Variants in JCAD observed in about 807,000 individuals in gnomAD.
JCAD encodes the protein junctional cadherin 5-associated protein.
JCAD carries 40 observed loss-of-function variants against 98.0 expected under a neutral mutation model. The ratio of observed to expected loss-of-function variants is 0.41; its 90% CI spans 0.32 to 0.53. The LOEUF (loss-of-function observed/expected upper bound fraction) is 0.53. Ranked by LOEUF, JCAD falls within the 20% of genes least tolerant of loss-of-function variation. The probability of loss-of-function intolerance (pLI) is 0.31; values close to 1 mark genes in which losing one functional copy is unlikely to be tolerated. For missense variants in JCAD, 1,705 were observed against 1,738.1 expected (o/e 0.98, Z 0.34); for synonymous variants, 691 against 682.3 (o/e 1.01, Z -0.20).
At chr10:30,069,866 G>A (rs1184957526) in intron 1 of JCAD, 1 of 152,128 alleles carries the variant, frequency 6.6e-6, no homozygotes, top group East Asian at 1.9e-4. Context: ...AAATATCTAG[G>A]CTTTCTTGAA....
chr10:30,020,075 T>C (rs1476257073), intron 3 of JCAD, among the ~76,000 whole-genome samples: 1 of 151,104 alleles, frequency 6.6e-6, no homozygotes, highest in East Asian at 1.9e-4. Context: ...ATGCCTGTCA[T>C]CCCAACACTT....
intron 1 of JCAD, among the ~76,000 whole-genome samples, chr10:30,093,814 C>T (rs1037559398): frequency 5.9e-5 from 9 of 152,162 alleles, no homozygotes; most frequent in African/African-American, 2.2e-4. Flanking sequence ...CTCAGAGATT[C>T]AGTAAGTATT....
intron 2 of JCAD, among the ~76,000 whole-genome samples, chr10:30,066,853 TCTA>T (rs1837793177): frequency 6.6e-6 from 1 of 151,960 alleles, no homozygotes; most frequent in East Asian, 1.9e-4. Context: ...AAATCCCTTC[TCTA>T]CTAAAAAATA....
At chr10:30,090,555 A>AAGGAG (rs750210588) in intron 1 of JCAD, among the ~76,000 whole-genome samples, 5 of 144,438 alleles carry the variant, frequency 3.5e-5, no homozygotes, top group South Asian at 2.6e-4. Flanking sequence ...AAGGAAAGGA[A>AAGGAG]AGGAGAGGAG....
chr10:30,087,031 G>A (rs957194249), intron 1 of JCAD, among the ~76,000 whole-genome samples: 5 of 152,170 alleles, frequency 3.3e-5, no homozygotes, highest in African/African-American at 9.7e-5. Context: ...AATTAAGCAC[G>A]TAGTGTGGTA....
intron 1 of JCAD, among the ~76,000 whole-genome samples, chr10:30,091,230 T>G (rs370987325): frequency 3.9e-5 from 6 of 152,184 alleles, no homozygotes; most frequent in Non-Finnish European, 8.8e-5. Flanking sequence ...AATAACATAA[T>G]GGAATCTCTT....
At chr10:30,032,947 G>A (rs1837033781) in intron 2 of JCAD, among the ~76,000 whole-genome samples, 1 of 152,238 alleles carries the variant, frequency 6.6e-6, no homozygotes. Context: ...GGAGGAAACT[G>A]AGGCACAGGT....
rs1248040404 is a variant in JCAD at position 30,028,339 on chromosome 10, T to TA, written c.1808dup (p.Leu603PhefsTer6). Reference sequence around the variant, plus strand: ...CATTCTTTTGATCAGCACTGGGCTTTAAGTCATTGTTGTCCATATCTCTAT... The same window carrying TA: ...CATTCTTTTGATCAGCACTGGGCTTTAAAGTCATTGTTGTCCATATCTCTAT... On this transcript the variant is annotated frameshift_variant, in exon 3 of 4. Coordinates refer to ENST00000375377, the MANE Select transcript of JCAD (RefSeq NM_020848.4). LOFTEE classifies it high-confidence loss of function. The TA allele has an allele frequency of 6.2e-7, 1 of 1,614,252 alleles. No homozygotes were observed. The highest frequency in any genetic ancestry group is 1.1e-5 in the South Asian group (1 of 91,084).
At position 30,032,972 on chromosome 10, in the gene JCAD, T is replaced by C. The variant is rs1837034217; in HGVS notation, c.282-3106A>G. Among the ~76,000 whole-genome samples, 5 of 152,322 alleles carry C rather than the reference T, an allele frequency of 3.3e-5. No homozygotes were observed. In the South Asian group the frequency reaches 8.3e-4, roughly 25 times the overall value. On this transcript the variant is annotated intron_variant, in intron 2 of 3. Transcript: ENST00000375377. ...GAGGCACAGGTGTTAAGTAACTTGCTTAATACTAACATCTACTGGGCACCC... is the reference window on the plus strand; with the variant it reads ...GAGGCACAGGTGTTAAGTAACTTGCCTAATACTAACATCTACTGGGCACCC...
chr10:30,025,400 C>G (rs1836766970), intron 3 of JCAD, among the ~76,000 whole-genome samples: 1 of 151,762 alleles, frequency 6.6e-6, no homozygotes, highest in South Asian at 2.1e-4. Context: ...CGCCTGTAGT[C>G]CCAGCTACTC....
chr10:30,083,789 G>A (rs1027775495), intron 1 of JCAD, among the ~76,000 whole-genome samples: 2 of 152,158 alleles, frequency 1.3e-5, no homozygotes, highest in African/African-American at 4.8e-5. Context: ...AAGTTTGAGA[G>A]GCCAAGGCAA....
intron 2 of JCAD, among the ~76,000 whole-genome samples, chr10:30,040,193 A>G (rs1181965103): frequency 1.3e-5 from 2 of 152,188 alleles, no homozygotes; most frequent in Admixed American, 6.5e-5. Flanking sequence ...AGAGTGACGT[A>G]GCTGACTGTC....
chr10:30,087,347 G>C (rs1380594517), intron 1 of JCAD, among the ~76,000 whole-genome samples: 1 of 152,158 alleles, frequency 6.6e-6, no homozygotes, highest in African/African-American at 2.4e-5. Flanking sequence ...GCTGAGAAGG[G>C]AAAATCGCTT....
intron 1 of JCAD, among the ~76,000 whole-genome samples, chr10:30,088,890 T>C (rs1159848942): frequency 6.6e-6 from 1 of 152,142 alleles, no homozygotes; most frequent in Admixed American, 6.5e-5. Context: ...GGAGAATCTC[T>C]TGAACCCAGG....
intron 3 of JCAD, among the ~76,000 whole-genome samples, chr10:30,025,108 G>A (rs1836761484): frequency 6.6e-6 from 1 of 152,150 alleles, no homozygotes; most frequent in Non-Finnish European, 1.5e-5. Context: ...AGGGGTGGGA[G>A]GAGCAGAACC....
chr10:30,068,127 G>A lies in JCAD; in HGVS notation n.250+1573C>T, dbSNP rs188600079. Among the ~76,000 whole-genome samples the A allele has an allele frequency of 5.3e-5, 8 of 152,278 alleles. No individual in the cohort carries two copies. In the East Asian group the frequency reaches 1.5e-3, roughly 29 times the overall value. ...TGTACGGCCGGGTGCGGTGGCTCAG[G>A]CCTGTGATCGTAGCACTTCGGGGGG... is the stretch of plus-strand genomic sequence containing the variant. On this transcript the variant is annotated intron_variant and non_coding_transcript_variant, in intron 2 of 2. Transcript: ENST00000465712.
intron 1 of JCAD, among the ~76,000 whole-genome samples, chr10:30,055,204 T>C (rs563572124): frequency 3.3e-5 from 5 of 152,336 alleles, no homozygotes; most frequent in African/African-American, 7.2e-5. Flanking sequence ...TAATTAGACA[T>C]TGTTACTCCT....
In JCAD at chr10:30,029,664, G is replaced by C. The variant is rs1285852416; in HGVS notation, c.484C>G (p.His162Asp). The C allele has an allele frequency of 3.1e-6, 5 of 1,614,066 alleles. No individual in the cohort carries two copies. The African/African-American group carries it at 5.3e-5, about 17-fold the overall frequency. Reference protein sequence around the residue: ...GPWEVGGRSEHVMKKPVWEEE... With the variant: ...GPWEVGGRSEDVMKKPVWEEE... Reference sequence around the variant, plus strand: ...TCCCAAACTGGCTTCTTCATCACATGCTCTGACCTTCCTCCAACTTCCCAT... The same window carrying C: ...TCCCAAACTGGCTTCTTCATCACATCCTCTGACCTTCCTCCAACTTCCCAT... Residue 162 changes from histidine (H) to aspartate (D), a missense_variant, in exon 3 of 4, where the codon CAT becomes GAT. Transcript: ENST00000375377.
chr10:30,026,479 G>A lies in JCAD; in HGVS notation c.3669C>T (p.Thr1223=), dbSNP rs768607953. The A allele has an allele frequency of 3.7e-6, 6 of 1,614,040 alleles. No individual in the cohort carries two copies. Among genetic ancestry groups the A allele is most frequent in the East Asian group, 2.2e-5 (1 of 44,900 alleles). The change falls in exon 3 of 4, where the codon ACC becomes ACT. Residue 1223 remains threonine, a synonymous_variant. Transcript: ENST00000375377. The part of the protein sequence containing the change: ...RSTLFHFVER[T]PSVAGSEKRL... ...TCTTTTCAGAGCCTGCCACACTTGG[G>A]GTTCTTTCTACAAAATGGAATAAAG...
Sources: gnomAD v4.1 joint callset for allele counts (sites outside exome capture counted in the v4.1 genomes callset) on GRCh38, gnomAD v4.1.1 for gene constraint, MANE v1.5 for transcripts, NCBI Gene and HGNC (gene_info 2026-07-23, HGNC 2026-07-21) for gene names.